The following RBFOX1 variants were observed in gnomAD, a reference collection of about 807,000 sequenced individuals.
RBFOX1 encodes RNA binding fox-1 homolog 1.
RBFOX1 carries 8 observed loss-of-function variants against 57.7 expected under a neutral mutation model. That is an observed-to-expected ratio of 0.14 (90% CI 0.08 to 0.25). RBFOX1 has a LOEUF of 0.25. Among genes scored for constraint, RBFOX1 ranks in the 10% least tolerant of loss-of-function variants. The pLI, the probability that RBFOX1 is intolerant of heterozygous loss-of-function variation, is 1.00. For synonymous variants in RBFOX1, 326 were observed against 222.4 expected (o/e 1.47, Z -4.15); for missense variants, 611 against 548.5 (o/e 1.11, Z -1.14).
intron 3 of RBFOX1, among the ~76,000 whole-genome samples, chr16:6,949,165 C>G (rs991720390): frequency 2.6e-5 from 4 of 152,044 alleles, no homozygotes; most frequent in Non-Finnish European, 5.9e-5. Flanking sequence ...CCCCACCCCC[C>G]TGAAAAGTCT....
At chr16:5,491,994 C>G (rs991953324) in intron 2 of RBFOX1, among the ~76,000 whole-genome samples, 3 of 152,104 alleles carry the variant, frequency 2.0e-5, no homozygotes, top group Non-Finnish European at 4.4e-5. Flanking sequence ...AGTGTGTGGC[C>G]AGGGTTGAGA....
intron 15 of RBFOX1, chr16:7,709,873 T>C (rs749649292): frequency 1.7e-4 from 196 of 1,134,582 alleles, no homozygotes; most frequent in Admixed American, 7.7e-4. Flanking sequence ...TGAGAGCATA[T>C]GCAATCATTA....
intron 2 of RBFOX1, among the ~76,000 whole-genome samples, chr16:5,468,388 C>T (rs181325022): frequency 2.6e-5 from 4 of 152,280 alleles, no homozygotes; most frequent in Admixed American, 2.6e-4. Flanking sequence ...CACCAGTCTG[C>T]ATTCTGTCTC....
At chr16:6,894,606 A>G (rs56232692) in intron 3 of RBFOX1, among the ~76,000 whole-genome samples, 26,310 of 152,150 alleles carry the variant, frequency 0.17, 2,440 homozygotes, top group South Asian at 0.3. Context: ...TCTCAGTGCA[A>G]TTTCGTGACA....
intron 1 of RBFOX1, among the ~76,000 whole-genome samples, chr16:5,331,632 C>G (rs1277052123): frequency 6.6e-6 from 1 of 152,234 alleles, no homozygotes. Context: ...AAACAAAAAT[C>G]AAAGGGTGGA....
intron 2 of RBFOX1, among the ~76,000 whole-genome samples, chr16:6,344,694 GTT>G (rs5815301): frequency 2.3e-5 from 2 of 88,350 alleles, no homozygotes; most frequent in African/African-American, 9.4e-5. Flanking sequence ...ACCGAGCCCG[GTT>G]TTTTTTTTTT....
At chr16:6,527,629 C>G (rs9925157) in intron 2 of RBFOX1, among the ~76,000 whole-genome samples, 5,326 of 152,192 alleles carry the variant, frequency 0.035, 339 homozygotes, top group African/African-American at 0.12. Flanking sequence ...TGGAAACCCC[C>G]TTATCTTGAG....
At chr16:5,428,695 G>A (rs186379893) in intron 1 of RBFOX1, among the ~76,000 whole-genome samples, 2 of 152,248 alleles carry the variant, frequency 1.3e-5, no homozygotes, top group Admixed American at 1.3e-4. Flanking sequence ...GTGGACATCT[G>A]GGGGAAAGTG....
At chr16:6,788,000 A>T (rs2082250506) in intron 3 of RBFOX1, among the ~76,000 whole-genome samples, 1 of 149,212 alleles carries the variant, frequency 6.7e-6, no homozygotes, top group Non-Finnish European at 1.5e-5. Context: ...AGGTGGGGGG[A>T]CCGCTTGAGG....
At chr16:5,616,776 T>G (rs2048039054) in intron 3 of RBFOX1, among the ~76,000 whole-genome samples, 1 of 139,242 alleles carries the variant, frequency 7.2e-6, no homozygotes, top group African/African-American at 2.7e-5. Flanking sequence ...TTCTCCCCTA[T>G]TTTCCTCCTC....
intron 3 of RBFOX1, among the ~76,000 whole-genome samples, chr16:7,041,164 G>C (rs1008757871): frequency 1.4e-5 from 2 of 138,944 alleles, no homozygotes; most frequent in Admixed American, 8.1e-5. Flanking sequence ...TCGAACATCT[G>C]ACCTCATGAT....
At chr16:7,206,950 C>G (rs1015665577) in intron 4 of RBFOX1, among the ~76,000 whole-genome samples, 3 of 152,068 alleles carry the variant, frequency 2.0e-5, no homozygotes, top group Non-Finnish European at 4.4e-5. Flanking sequence ...TGTGGTAGTC[C>G]CACTTACAGT....
intron 2 of RBFOX1, among the ~76,000 whole-genome samples, chr16:5,542,540 A>G (rs2045004184): frequency 6.6e-6 from 1 of 151,824 alleles, no homozygotes; most frequent in Admixed American, 6.6e-5. Context: ...TACAGGCGTG[A>G]ACCACCGCAT....
chr16:6,849,691 C>G (rs1299852362), intron 3 of RBFOX1, among the ~76,000 whole-genome samples: 1 of 151,686 alleles, frequency 6.6e-6, no homozygotes, highest in African/African-American at 2.4e-5. Context: ...CAAAATAAAA[C>G]AAAAAAAACT....
At chr16:7,390,766 A>G (rs1224578833) in intron 4 of RBFOX1, among the ~76,000 whole-genome samples, 1 of 152,240 alleles carries the variant, frequency 6.6e-6, no homozygotes, top group African/African-American at 2.4e-5. Flanking sequence ...TCAATAGGAC[A>G]GAAAGAGACT....
At chr16:7,169,933 C>CAT (rs1012555323) in intron 4 of RBFOX1, among the ~76,000 whole-genome samples, 1 of 152,032 alleles carries the variant, frequency 6.6e-6, no homozygotes, top group Non-Finnish European at 1.5e-5. Flanking sequence ...AATAGCTGGG[C>CAT]ATGGTGACAC....
At chr16:7,374,559 C>T (rs757880696) in intron 4 of RBFOX1, among the ~76,000 whole-genome samples, 1 of 152,078 alleles carries the variant, frequency 6.6e-6, no homozygotes, top group Non-Finnish European at 1.5e-5. Context: ...GCAATCCTAA[C>T]CCCACCCCCA....
At chr16:6,024,041 T>C (rs2095137312) in intron 1 of RBFOX1, among the ~76,000 whole-genome samples, 1 of 152,186 alleles carries the variant, frequency 6.6e-6, no homozygotes, top group African/African-American at 2.4e-5. Flanking sequence ...TGGAGTTATA[T>C]ACACAGGCAA....
intron 4 of RBFOX1, among the ~76,000 whole-genome samples, chr16:7,356,844 G>A (rs905988374): frequency 1.1e-4 from 16 of 152,172 alleles, no homozygotes; most frequent in Admixed American, 7.9e-4. Flanking sequence ...ACTATTATGC[G>A]TAGTCTTTCG....
Sources: allele counts gnomAD v4.1 joint callset (sites outside exome capture counted in the v4.1 genomes callset), GRCh38; gene constraint gnomAD v4.1.1; transcripts MANE v1.5; gene names NCBI Gene and HGNC (gene_info 2026-07-23, HGNC 2026-07-21).